PCDHGB2: variants seen among roughly 807,000 people sequenced by gnomAD.
The protein encoded by PCDHGB2 is protocadherin gamma subfamily B, 2, also known as protocadherin gamma-B2.
Under a neutral mutation model 59.3 loss-of-function variants are expected in PCDHGB2, and 55 were observed. That is an observed-to-expected ratio of 0.93 (90% CI 0.75 to 1.16). The LOEUF (loss-of-function observed/expected upper bound fraction) is 1.16, where lower values mean the gene tolerates loss of function less well. PCDHGB2 is among the 50% of genes most tolerant of loss of function. The probability of loss-of-function intolerance (pLI) is 0.00; values close to 1 mark genes in which losing one functional copy is unlikely to be tolerated. For synonymous variants in PCDHGB2, 516 were observed against 512.0 expected, an observed-to-expected ratio of 1.01 and a Z score of -0.11; for missense variants, 1,228 against 1,198.5, an observed-to-expected ratio of 1.02 and a Z score of -0.36.
intron 1 of PCDHGB2, among the ~76,000 whole-genome samples, chr5:141,462,009 G>C (rs2099028674): frequency 6.6e-6 from 1 of 152,190 alleles, no homozygotes; most frequent in Non-Finnish European, 1.5e-5. Flanking sequence ...TTTTAATAGA[G>C]ACGGGGTTTC....
chr5:141,367,060 T>C lies in PCDHGB2; in HGVS notation c.2421+4504T>C, dbSNP rs1764930481. 3 of 310,714 alleles carry C rather than the reference T, an allele frequency of 9.7e-6. No individual in the cohort carries two copies. In the Admixed American group the frequency reaches 1.4e-4, roughly 15 times the overall value. 19.2% of individuals were successfully genotyped at this position (310,714 alleles called of 1,614,324 possible). On this transcript the variant is annotated intron_variant, in intron 1 of 3. Coordinates refer to ENST00000522605, the MANE Select transcript of PCDHGB2 (RefSeq NM_018923.3). ...TTCTATTAATAGAAAAGATGTTTTA[T>C]TTATTCAAATTGTTAGATATATTGT...
intron 2 of PCDHGB2, among the ~76,000 whole-genome samples, chr5:141,500,148 G>A (rs936567158): frequency 6.6e-6 from 1 of 150,990 alleles, no homozygotes; most frequent in Non-Finnish European, 1.5e-5. Flanking sequence ...ACTTTTCTTT[G>A]TGTAATCAAA....
chr5:141,486,522 A>G lies in PCDHGB2; in HGVS notation c.2422-8285A>G. 1 of 1,614,174 alleles carries G rather than the reference A, an allele frequency of 6.2e-7. No homozygotes were observed. Among genetic ancestry groups the G allele is most frequent in the Non-Finnish European group, 8.5e-7 (1 of 1,180,024 alleles). On this transcript the variant is annotated intron_variant, in intron 1 of 3. Transcript: ENST00000522605. The surrounding 1 kb of genome is among the most constrained non-coding windows in gnomAD (Gnocchi z 5.0). The stretch of plus-strand genomic sequence containing the variant: ...TTCCTCAATATTTCAGATGTGAATG[A>G]TAATCCACCCTCTTTCTTTCAGAGG...
chr5:141,402,845 C>T (rs1273253699), intron 1 of PCDHGB2: 3 of 1,405,122 alleles, frequency 2.1e-6, no homozygotes, highest in Non-Finnish European at 2.8e-6. Flanking sequence ...AAAACTCAGC[C>T]TCTTTCTTCT....
intron 1 of PCDHGB2, chr5:141,383,821 G>T: frequency 1.2e-6 from 2 of 1,613,922 alleles, no homozygotes; most frequent in Non-Finnish European, 1.7e-6. Context: ...AGAAGGATTA[G>T]ATTATGAAGA....
In PCDHGB2 at chr5:141,511,032, G is replaced by C. The variant is rs779589499; in HGVS notation, c.2655G>C (p.Gln885His). Residue 885 changes from glutamine to histidine, a missense_variant, in exon 4 of 4, where the codon CAG (glutamine) becomes CAC (histidine). Gln to His is a conservative substitution (Grantham distance 24). Coordinates refer to ENST00000522605, the MANE Select transcript of PCDHGB2 (RefSeq NM_018923.3). ...SARYGPQFTL[Q>H]HVPDYRQNVY... ...GCTACGGACCCCAGTTCACCCTGCA[G>C]CACGTGCCCGACTACCGCCAGAATG... 6.2e-7 allele frequency: 1 copy of C among 1,614,228 alleles called. No individual in the cohort carries two copies. The highest frequency in any genetic ancestry group is 8.5e-7 in the Non-Finnish European group (1 of 1,180,036).
chr5:141,492,464 C>G (rs1595116794), intron 1 of PCDHGB2, among the ~76,000 whole-genome samples: 1 of 152,354 alleles, frequency 6.6e-6, no homozygotes, highest in Non-Finnish European at 1.5e-5. Context: ...GCCTGAGGGT[C>G]CCAGATCGCG....
rs780380650 is a variant in PCDHGB2 at position 141,432,715 on chromosome 5, C to G, written c.2422-62092C>G. 2.5e-6 allele frequency: 4 copies of G among 1,613,996 alleles called. No homozygotes were observed. Among genetic ancestry groups the G allele is most frequent in the Non-Finnish European group, 3.4e-6 (4 of 1,179,970 alleles). On this transcript the variant is annotated intron_variant, in intron 1 of 3. Transcript: ENST00000522605. The surrounding 1 kb of genome is among the most constrained non-coding windows in gnomAD (Gnocchi z 6.0). ...TGGCCGTCCAGGACCACGGCCAGCC[C>G]CCTCTCTCCGCCACTGTCACGCTCA... is the stretch of plus-strand genomic sequence containing the variant.
Position 141,489,463 on chromosome 5 carries a change from T to C in PCDHGB2, c.2422-5344T>C. ...GGGCTCTGAGGAGAATGGGCGCTAT[T>C]TTTCCCTGAGCTTGATGAGTGGTGC... On this transcript the variant is annotated intron_variant, in intron 1 of 3. Transcript: ENST00000522605. This position sits in a 1 kb window ranked among gnomAD's most constrained non-coding sequence, Gnocchi z 4.5. 6.2e-7 allele frequency: 1 copy of C among 1,614,050 alleles called. No individual in the cohort carries two copies. The highest frequency in any genetic ancestry group is 8.5e-7 in the Non-Finnish European group (1 of 1,180,002).
intron 1 of PCDHGB2, chr5:141,407,979 T>G: frequency 1.3e-6 from 1 of 748,940 alleles, no homozygotes; most frequent in Non-Finnish European, 2.0e-6. Context: ...ACGCCGGGGA[T>G]CCGTCAGCCT....
At chr5:141,400,079 C>A in intron 1 of PCDHGB2, 1 of 1,614,042 alleles carries the variant, frequency 6.2e-7, no homozygotes, top group East Asian at 2.2e-5. Flanking sequence ...CCGCCACTCT[C>A]CGCCACCGCC....
intron 1 of PCDHGB2, among the ~76,000 whole-genome samples, chr5:141,470,256 A>G (rs1043528709): frequency 6.6e-6 from 1 of 152,228 alleles, no homozygotes; most frequent in African/African-American, 2.4e-5. Flanking sequence ...ACCTGTCTAA[A>G]TGGAGATACA....
At chr5:141,383,115 G>A (rs1588935536) in intron 1 of PCDHGB2, 4 of 1,614,078 alleles carry the variant, frequency 2.5e-6, no homozygotes, top group Non-Finnish European at 2.5e-6. Context: ...GAGGTAGGAC[G>A]CAGCTTTTCG....
At chr5:141,415,063 G>A (rs569362520) in intron 1 of PCDHGB2, 3 of 1,613,432 alleles carry the variant, frequency 1.9e-6, no homozygotes, top group Admixed American at 1.7e-5. Flanking sequence ...CACGGGCGAG[G>A]TGCGCACGGC....
intron 1 of PCDHGB2, chr5:141,383,629 C>G: frequency 6.2e-7 from 1 of 1,613,960 alleles, no homozygotes; most frequent in Non-Finnish European, 8.5e-7. Context: ...TGTCTTCTCT[C>G]TGCCTCAGTA....
intron 1 of PCDHGB2, among the ~76,000 whole-genome samples, chr5:141,488,133 G>T (rs1046071550): frequency 6.6e-6 from 1 of 152,198 alleles, no homozygotes; most frequent in Non-Finnish European, 1.5e-5. Context: ...AGAAAGAGGA[G>T]AGAACTAAAG....
At chr5:141,478,322 C>G (rs1360535508) in intron 1 of PCDHGB2, 28 of 1,613,976 alleles carry the variant, frequency 1.7e-5, no homozygotes, top group Non-Finnish European at 2.3e-5. Context: ...CTCACTGTAC[C>G]GAACACCAGG....
At chr5:141,408,019 A>G (rs1589652051) in intron 1 of PCDHGB2, 1 of 1,031,592 alleles carries the variant, frequency 9.7e-7, no homozygotes, top group Admixed American at 3.2e-5. Context: ...GCAGCCAACA[A>G]CAGAAAGAAG....
intron 1 of PCDHGB2, chr5:141,410,115 C>G (rs1361621262): frequency 6.2e-7 from 1 of 1,612,624 alleles, no homozygotes; most frequent in African/African-American, 1.3e-5. Flanking sequence ...AGGGACGCAG[C>G]CCGCCAGCGC....
Sources: gnomAD v4.1 joint callset for allele counts (sites outside exome capture counted in the v4.1 genomes callset) on GRCh38, gnomAD v4.1.1 for gene constraint, Gnocchi (gnomAD v3.1) non-coding constraint, MANE v1.5 for transcripts, NCBI Gene and HGNC (gene_info 2026-07-23, HGNC 2026-07-21) for gene names.